The following TET1 variants were observed in gnomAD, a reference collection of about 807,000 sequenced individuals.
The protein encoded by TET1 is tet methylcytosine dioxygenase 1, also known as methylcytosine dioxygenase TET1.
In TET1, 13 loss-of-function variants were observed where a neutral mutation model predicts 148.7. The observed-to-expected ratio is 0.09, with a 90% CI of 0.06 to 0.14. The LOEUF (loss-of-function observed/expected upper bound fraction) is 0.14, where lower values mean the gene tolerates loss of function less well. Ranked by LOEUF, TET1 falls within the 10% of genes least tolerant of loss-of-function variation. TET1 has a pLI of 1.00. For missense variants in TET1, 2,182 were observed against 2,553.8 expected (o/e 0.85, Z 3.14); for synonymous variants, 907 against 937.2 (o/e 0.97, Z 0.59).
chr10:68,585,267 G>A (rs2053848501), intron 2 of TET1, among the ~76,000 whole-genome samples: 1 of 152,162 alleles, frequency 6.6e-6, no homozygotes, highest in South Asian at 2.1e-4. Context: ...GCCTCCCAAA[G>A]TGCTGGGATT....
chr10:68,607,025 C>T (rs566919094), intron 3 of TET1, among the ~76,000 whole-genome samples: 3 of 152,242 alleles, frequency 2.0e-5, no homozygotes, highest in South Asian at 2.1e-4. Context: ...TACAGGCATT[C>T]GTTTATCACT....
Position 68,573,890 on chromosome 10 carries a change from G to A in TET1, c.1552G>A (p.Ala518Thr). Residue 518 changes from alanine (A) to threonine (T), a missense_variant, in exon 2 of 12, where the codon GCC (alanine) becomes ACC (threonine). Coordinates refer to ENST00000373644, the MANE Select transcript of TET1 (RefSeq NM_030625.3). Reference protein sequence around the residue: ...LPANTQGFPLAPERGLFHASL... With the variant: ...LPANTQGFPLTPERGLFHASL... ...AGCTAACACTCAGGGGTTCCCATTA[G>A]CCCCTGAGAGAGGACTCTTCCATGC... 1 of 1,614,108 alleles carries A rather than the reference G, an allele frequency of 6.2e-7. No individual in the cohort carries two copies. The highest frequency in any genetic ancestry group is 8.5e-7 in the Non-Finnish European group (1 of 1,180,022).
intron 3 of TET1, among the ~76,000 whole-genome samples, chr10:68,626,127 A>AAAAAAAAAG (rs10660283): frequency 8.3e-6 from 1 of 120,238 alleles, no homozygotes; most frequent in African/African-American, 3.2e-5. Context: ...AAAAGAAAAG[A>AAAAAAAAAG]AAATACTTAA....
At chr10:68,683,383 A>G (rs1181376461) in intron 10 of TET1, among the ~76,000 whole-genome samples, 1 of 152,144 alleles carries the variant, frequency 6.6e-6, no homozygotes, top group African/African-American at 2.4e-5. Flanking sequence ...GGTTCACGCC[A>G]TTCTCCTGCC....
At chr10:68,640,388 C>T (rs563167540) in intron 3 of TET1, among the ~76,000 whole-genome samples, 7 of 151,144 alleles carry the variant, frequency 4.6e-5, no homozygotes, top group Admixed American at 2.0e-4. Context: ...CTCAGCCTTC[C>T]GAGTTGCTGG....
Position 68,573,059 on chromosome 10 carries a change from A to G in TET1, c.721A>G (p.Lys241Glu), listed in dbSNP as rs752995764. Residue 241 changes from lysine (K) to glutamate (E), a missense_variant, in exon 2 of 12, where the codon AAA (lysine) becomes GAA (glutamate). Lys to Glu is a moderately conservative substitution (Grantham distance 56). Around this residue, in one of 11 missense-constraint regions of TET1, gnomAD observed 665 missense variants for 672.4 expected, o/e 0.99. Transcript: ENST00000373644. ...ETLNDTSGSP[K>E]MFAQDTVCAP... is the part of the protein sequence containing the mutation. ...ATTGAATGATACCAGTGGTTCCCCA[A>G]AAATGTTTGCTCAGGACACAGTGTG... 7 of 1,614,192 alleles carry G rather than the reference A, an allele frequency of 4.3e-6. No homozygotes were observed. In the South Asian group the frequency reaches 7.7e-5, roughly 18 times the overall value.
chr10:68,619,212 A>T (rs1453576152), intron 3 of TET1, among the ~76,000 whole-genome samples: 1 of 152,052 alleles, frequency 6.6e-6, no homozygotes, highest in Non-Finnish European at 1.5e-5. Flanking sequence ...TGTAGTATAG[A>T]CACATGTGTC....
intron 2 of TET1, among the ~76,000 whole-genome samples, chr10:68,592,099 C>T (rs1217678725): frequency 6.6e-6 from 1 of 152,082 alleles, no homozygotes; most frequent in Admixed American, 6.6e-5. Context: ...GGGTGGATCA[C>T]CTGAGGTCAG....
chr10:68,647,120 A>AG, intron 4 of TET1, 115 bp downstream of exon 4: 1 of 1,130,804 alleles, frequency 8.8e-7, no homozygotes, highest in Non-Finnish European at 1.2e-6. Context: ...TTCTTATTCT[A>AG]ACTAAGATGG....
Position 68,572,255 on chromosome 10 carries a change from C to T in TET1, c.-84C>T. ...GTGACTGAGCTGAAGAGCAGTGCATCCAGATTCTCCTCAGAAGTGAGACTT... is the reference window on the plus strand; with the variant it reads ...GTGACTGAGCTGAAGAGCAGTGCATTCAGATTCTCCTCAGAAGTGAGACTT... On this transcript the variant is annotated 5_prime_UTR_variant, in exon 2 of 12. Transcript: ENST00000373644. The T allele has an allele frequency of 8.3e-7, 1 of 1,207,128 alleles. No homozygotes were observed. Among genetic ancestry groups the T allele is most frequent in the African/African-American group, 1.5e-5 (1 of 65,222 alleles). The allele number at this position is 1,207,128 out of a possible 1,614,324, so 74.8% of individuals were successfully genotyped here. A position where few individuals can be genotyped will look rare whatever the true frequency, so the allele number is the denominator to read the frequency against.
intron 6 of TET1, among the ~76,000 whole-genome samples, chr10:68,654,285 G>C (rs2054987356): frequency 6.6e-6 from 1 of 151,892 alleles, no homozygotes; most frequent in Non-Finnish European, 1.5e-5. Flanking sequence ...TTAGAAATAA[G>C]AGTCCAGTAA....
chr10:68,609,441 A>G (rs994770571), intron 3 of TET1, among the ~76,000 whole-genome samples: 9 of 152,104 alleles, frequency 5.9e-5, no homozygotes, highest in African/African-American at 1.4e-4. Context: ...GATTACAGGC[A>G]TGAGCCACTG....
rs1378729834 is a variant in TET1 at position 68,584,201 on chromosome 10, A to C, written c.1914+9949A>C. ...ATTATAGGCACACCCCACCACACCC[A>C]GCTAATTTTTTTTTATTTTTATTAG... On this transcript the variant is annotated intron_variant, in intron 2 of 11. Coordinates refer to ENST00000373644, the MANE Select transcript of TET1 (RefSeq NM_030625.3). 2.1e-5 allele frequency among the ~76,000 whole-genome samples: 3 copies of C among 146,124 alleles called. No homozygotes were observed. The East Asian group carries it at 6.5e-4, about 32-fold the overall frequency.
At chr10:68,599,950 C>G (rs1459412048) in intron 2 of TET1, among the ~76,000 whole-genome samples, 7 of 152,132 alleles carry the variant, frequency 4.6e-5, no homozygotes, top group Non-Finnish European at 7.4e-5. Flanking sequence ...CTGTCCTTTT[C>G]CTTTTCAGTG....
At chr10:68,636,779 G>C (rs879783353) in intron 3 of TET1, among the ~76,000 whole-genome samples, 4 of 152,158 alleles carry the variant, frequency 2.6e-5, no homozygotes, top group Non-Finnish European at 4.4e-5. Flanking sequence ...CCAAGGTAAG[G>C]AGAGTGGAGT....
rs1021214430 is a variant in TET1, at chr10:68,626,612, A to G, written c.1969-18086A>G. Among the ~76,000 whole-genome samples, 18 of 151,684 alleles carry G rather than the reference A, an allele frequency of 1.2e-4. 1 individual carries two copies. Among genetic ancestry groups the G allele is most frequent in the African/African-American group, 4.4e-4 (18 of 41,278 alleles). ...TGTCACCAGGCTGGGGTGCAGTGGC[A>G]TGATCTCAGCTCACTGCAACCTCTG... On this transcript the variant is annotated intron_variant, in intron 3 of 11. Coordinates refer to ENST00000373644, the MANE Select transcript of TET1 (RefSeq NM_030625.3).
At chr10:68,652,072 A>G (rs1449776205) in intron 5 of TET1, 136 bp downstream of exon 5, 6 of 789,546 alleles carry the variant, frequency 7.6e-6, no homozygotes, top group African/African-American at 5.2e-5. Context: ...AGGGCCCAAC[A>G]AAAGAGGGGT....
At chr10:68,561,549 C>T (rs912468851) in intron 1 of TET1, among the ~76,000 whole-genome samples, 2 of 152,122 alleles carry the variant, frequency 1.3e-5, no homozygotes, top group African/African-American at 4.8e-5. Context: ...GAGCGGGCCC[C>T]GAGGGTGGGA....
At chr10:68,621,409 C>T (rs1262987096) in intron 3 of TET1, among the ~76,000 whole-genome samples, 1 of 151,970 alleles carries the variant, frequency 6.6e-6, no homozygotes, top group African/African-American at 2.4e-5. Flanking sequence ...CGTGGTGAAA[C>T]CCCGTATTTA....
Sources: gnomAD v4.1 joint callset for allele counts (sites outside exome capture counted in the v4.1 genomes callset) on GRCh38, gnomAD v4.1.1 for gene constraint, gnomAD v4.1.1 regional missense constraint, MANE v1.5 for transcripts, NCBI Gene and HGNC (gene_info 2026-07-23, HGNC 2026-07-21) for gene names.